RBFOX1: variants seen among roughly 807,000 people sequenced by gnomAD.
RBFOX1 encodes RNA binding protein fox-1 homolog 1.
Under a neutral mutation model 57.7 loss-of-function variants are expected in RBFOX1, and 8 were observed. The ratio of observed to expected loss-of-function variants is 0.14; its 90% CI spans 0.08 to 0.25. The LOEUF (loss-of-function observed/expected upper bound fraction) is 0.25, where lower values mean the gene tolerates loss of function less well. RBFOX1 is among the 10% of genes least tolerant of loss of function. RBFOX1 has a pLI of 1.00. For synonymous variants in RBFOX1, 326 were observed against 222.4 expected (o/e 1.47, Z -4.15); for missense variants, 611 against 548.5 (o/e 1.11, Z -1.14).
intron 1 of RBFOX1, among the ~76,000 whole-genome samples, chr16:6,119,381 T>G (rs1329426979): frequency 6.6e-6 from 1 of 152,220 alleles, no homozygotes. Flanking sequence ...GGGTCAACGA[T>G]GTCTTTATAT....
chr16:5,854,209 T>A (rs2056968948), intron 3 of RBFOX1, among the ~76,000 whole-genome samples: 1 of 152,164 alleles, frequency 6.6e-6, no homozygotes, highest in Non-Finnish European at 1.5e-5. Flanking sequence ...AAGATCAACT[T>A]CTTCAGAAAT....
intron 3 of RBFOX1, among the ~76,000 whole-genome samples, chr16:5,633,793 G>C (rs371689059): frequency 8.0e-5 from 12 of 150,636 alleles, no homozygotes; most frequent in African/African-American, 2.9e-4. Context: ...AGAATGGCTA[G>C]AACCCAGGAG....
chr16:6,804,545 C>T (rs894904152), intron 3 of RBFOX1, among the ~76,000 whole-genome samples: 1 of 152,056 alleles, frequency 6.6e-6, no homozygotes, highest in Admixed American at 6.6e-5. Flanking sequence ...CTAAATTGGA[C>T]TCTAAATATT....
At chr16:7,018,083 A>C (rs1227427152) in intron 3 of RBFOX1, among the ~76,000 whole-genome samples, 2 of 151,508 alleles carry the variant, frequency 1.3e-5, no homozygotes, top group Non-Finnish European at 2.9e-5. Context: ...CTGCATGTAC[A>C]CCCAGCTGTT....
intron 4 of RBFOX1, among the ~76,000 whole-genome samples, chr16:7,109,814 C>G (rs528593301): frequency 6.6e-6 from 1 of 152,136 alleles, no homozygotes; most frequent in East Asian, 1.9e-4. Context: ...TTGACACCTT[C>G]TTGGCACAGC....
chr16:5,647,128 C>A (rs2049080635), intron 3 of RBFOX1, among the ~76,000 whole-genome samples: 1 of 152,144 alleles, frequency 6.6e-6, no homozygotes. Context: ...TGTTTTAATG[C>A]ATCAGTGGAC....
intron 4 of RBFOX1, among the ~76,000 whole-genome samples, chr16:7,227,397 C>G (rs1263601723): frequency 6.6e-6 from 1 of 151,026 alleles, no homozygotes; most frequent in African/African-American, 2.4e-5. Context: ...TCGTAACCTT[C>G]AACTCCACAA....
intron 1 of RBFOX1, among the ~76,000 whole-genome samples, chr16:5,400,221 A>AATT (rs1471712930): frequency 1.3e-5 from 2 of 151,732 alleles, no homozygotes; most frequent in Non-Finnish European, 2.9e-5. Context: ...CCTCTCGAGT[A>AATT]ACTGGGATTA....
intron 4 of RBFOX1, among the ~76,000 whole-genome samples, chr16:5,871,393 A>G (rs1462228876): frequency 6.6e-6 from 1 of 152,246 alleles, no homozygotes; most frequent in African/African-American, 2.4e-5. Flanking sequence ...ATGGAATGCA[A>G]GTTCAGCACA....
At chr16:7,311,731 C>T (rs530898206) in intron 4 of RBFOX1, among the ~76,000 whole-genome samples, 1 of 152,112 alleles carries the variant, frequency 6.6e-6, no homozygotes, top group East Asian at 1.9e-4. Flanking sequence ...TCTCAAGTGT[C>T]TCACAAAATT....
intron 4 of RBFOX1, among the ~76,000 whole-genome samples, chr16:7,275,050 G>C (rs1298366783): frequency 4.6e-5 from 7 of 152,134 alleles, no homozygotes; most frequent in Admixed American, 1.3e-4. Context: ...AAGGGTGGTG[G>C]AGAGGATAGG....
At chr16:7,002,931 G>C (rs1255021838) in intron 3 of RBFOX1, among the ~76,000 whole-genome samples, 2 of 151,992 alleles carry the variant, frequency 1.3e-5, no homozygotes, top group Non-Finnish European at 2.9e-5. Context: ...TAGGAAGTTA[G>C]AAAGTGTAAG....
chr16:7,355,630 A>C (rs994338419), intron 4 of RBFOX1, among the ~76,000 whole-genome samples: 1 of 152,196 alleles, frequency 6.6e-6, no homozygotes, highest in Non-Finnish European at 1.5e-5. Flanking sequence ...CAGTCTGTAC[A>C]GGTCCACTCT....
At chr16:7,137,741 C>T (rs564031177) in intron 4 of RBFOX1, among the ~76,000 whole-genome samples, 5 of 152,226 alleles carry the variant, frequency 3.3e-5, no homozygotes, top group African/African-American at 7.2e-5. Context: ...GTGGTAAACT[C>T]GAACACATAA....
intron 4 of RBFOX1, among the ~76,000 whole-genome samples, chr16:7,443,349 A>T (rs933991208): frequency 6.6e-6 from 1 of 151,362 alleles, no homozygotes; most frequent in African/African-American, 2.4e-5. Flanking sequence ...TTCCTACCCC[A>T]TCCCCCTCCT....
chr16:6,203,843 T>A (rs1381215619), intron 1 of RBFOX1, among the ~76,000 whole-genome samples: 1 of 152,148 alleles, frequency 6.6e-6, no homozygotes, highest in East Asian at 1.9e-4. Flanking sequence ...GCAGTCTCAC[T>A]TCTGGGTCTG....
intron 2 of RBFOX1, among the ~76,000 whole-genome samples, chr16:6,492,006 T>C (rs1206725560): frequency 6.6e-6 from 1 of 152,080 alleles, no homozygotes; most frequent in African/African-American, 2.4e-5. Context: ...GATGGGTAGA[T>C]GAATGGATAG....
At chr16:6,295,530 G>C (rs964719458) in intron 1 of RBFOX1, among the ~76,000 whole-genome samples, 4 of 152,300 alleles carry the variant, frequency 2.6e-5, no homozygotes, top group Admixed American at 6.5e-5. Context: ...CTGTAGTTGG[G>C]TTTGAATATT....
chr16:6,612,545 C>A (rs989038578), intron 2 of RBFOX1, among the ~76,000 whole-genome samples: 3 of 152,144 alleles, frequency 2.0e-5, no homozygotes, highest in Non-Finnish European at 4.4e-5. Context: ...CCATTCATTT[C>A]CCAGATGTTA....
Sources: allele counts gnomAD v4.1 joint callset (sites outside exome capture counted in the v4.1 genomes callset), GRCh38; gene constraint gnomAD v4.1.1; transcripts MANE v1.5; gene names NCBI Gene and HGNC (gene_info 2026-07-23, HGNC 2026-07-21).